CDK17: variants seen among roughly 807,000 people sequenced by gnomAD.
CDK17 encodes cyclin-dependent kinase 17.
A neutral mutation model predicts 77.6 loss-of-function variants in CDK17; 24 were observed. The observed-to-expected ratio is 0.31, with a 90% confidence interval of 0.22 to 0.44. The LOEUF (loss-of-function observed/expected upper bound fraction) is 0.44. CDK17 is among the 20% of genes least tolerant of loss of function. CDK17 has a pLI of 1.00. For missense variants in CDK17, 429 were observed against 622.5 expected (o/e 0.69, Z 3.31); for synonymous variants, 203 against 210.4 (o/e 0.96, Z 0.30).
intron 6 of CDK17, among the ~76,000 whole-genome samples, chr12:96,299,249 T>G (rs1023278589): frequency 6.6e-6 from 1 of 152,234 alleles, no homozygotes; most frequent in African/African-American, 2.4e-5. Context: ...TTTTTGTACC[T>G]TATTTTAGAT....
At chr12:96,311,652 C>T (rs961799036) in intron 4 of CDK17, among the ~76,000 whole-genome samples, 3 of 150,258 alleles carry the variant, frequency 2.0e-5, no homozygotes, top group African/African-American at 2.5e-5. Context: ...AGAATCTTGC[C>T]TATATCATTG....
chr12:96,373,252 G>A (rs1328774700), intron 1 of CDK17, among the ~76,000 whole-genome samples: 2 of 152,170 alleles, frequency 1.3e-5, no homozygotes, highest in Non-Finnish European at 2.9e-5. Context: ...ACAGTGAGAA[G>A]TATGACACTG....
chr12:96,292,017 G>A (rs1592707898), intron 10 of CDK17, among the ~76,000 whole-genome samples: 1 of 152,102 alleles, frequency 6.6e-6, no homozygotes, highest in Non-Finnish European at 1.5e-5. Context: ...AAAGAAAAAA[G>A]AGAGAGAGAG....
chr12:96,395,419 A>C (rs925283586), intron 1 of CDK17, among the ~76,000 whole-genome samples: 1 of 152,112 alleles, frequency 6.6e-6, no homozygotes, highest in Admixed American at 6.5e-5. Context: ...TTGAATGCCT[A>C]AACTGGAATG....
intron 2 of CDK17, 109 bp from the exon 3 acceptor site, chr12:96,324,221 T>A: frequency 1.6e-6 from 1 of 642,484 alleles, no homozygotes; most frequent in Non-Finnish European, 2.5e-6. Context: ...ATTAGTACAT[T>A]TAGCCTCATT....
At chr12:96,292,625 T>C (rs763752891) in intron 10 of CDK17, among the ~76,000 whole-genome samples, 2 of 151,980 alleles carry the variant, frequency 1.3e-5, no homozygotes, top group African/African-American at 4.8e-5. Context: ...ACCAAAAAAC[T>C]ACCATAATCA....
intron 1 of CDK17, among the ~76,000 whole-genome samples, chr12:96,383,246 T>C (rs1414083066): frequency 6.6e-6 from 1 of 152,026 alleles, no homozygotes; most frequent in Non-Finnish European, 1.5e-5. Context: ...AAAACACTGC[T>C]GAAAGAAATC....
intron 10 of CDK17, among the ~76,000 whole-genome samples, chr12:96,292,039 A>G (rs1228691695): frequency 2.0e-5 from 3 of 152,186 alleles, no homozygotes; most frequent in Non-Finnish European, 4.4e-5. Flanking sequence ...AACAATTATT[A>G]TAAGGGAAAT....
chr12:96,347,615 AGGGAGGGGAAGGGAGGGGAG>A (rs1265787306), intron 1 of CDK17, among the ~76,000 whole-genome samples: 253 of 14,256 alleles, frequency 0.018, 3 homozygotes, highest in Non-Finnish European at 0.029. Context: ...AGGGAGGGGA[AGGGAGGGGAAGGGAGGGGAG>A]GGGAGGGGAG....
rs1049915944 is a variant in CDK17 at position 96,317,173 on chromosome 12, G to A, written c.284-3719C>T. On this transcript the variant is annotated intron_variant, in intron 3 of 16. Coordinates refer to ENST00000261211, the MANE Select transcript of CDK17 (RefSeq NM_002595.5). ...TACATGAAGAATGCAGAAGCCTCAG[G>A]AGCCGATGCGATCAACTGGAAGAAA... Among the ~76,000 whole-genome samples, 49 of 149,634 alleles carry A rather than the reference G, an allele frequency of 3.3e-4. 1 individual carries two copies. Among genetic ancestry groups the A allele is most frequent in the Non-Finnish European group, 6.1e-4 (41 of 67,396 alleles).
At position 96,298,995 on chromosome 12, in the gene CDK17, A is replaced by G. The variant is rs1360406335; in HGVS notation, c.601-12T>C. The stretch of plus-strand genomic sequence containing the variant: ...GTTGCATATGTACCCTATAAAATAT[A>G]TTTTTAAAGGACGCATCAAAAGTAT... On this transcript the variant is annotated splice_polypyrimidine_tract_variant and intron_variant, in intron 6 of 16. Transcript: ENST00000261211. The G allele has an allele frequency of 3.1e-6, 4 of 1,304,760 alleles. No individual in the cohort carries two copies. Among genetic ancestry groups the G allele is most frequent in the Non-Finnish European group, 4.4e-6 (4 of 911,468 alleles). 80.8% of individuals were successfully genotyped at this position (1,304,760 alleles called of 1,614,324 possible).
chr12:96,392,034 G>A (rs775662604), intron 1 of CDK17, among the ~76,000 whole-genome samples: 5 of 152,070 alleles, frequency 3.3e-5, no homozygotes, highest in South Asian at 2.1e-4. Flanking sequence ...TGATAATACG[G>A]GAAGAAATAC....
intron 5 of CDK17, among the ~76,000 whole-genome samples, chr12:96,300,672 C>T (rs34098261): frequency 0.052 from 7,915 of 152,326 alleles, 270 homozygotes; most frequent in Non-Finnish European, 0.064. Flanking sequence ...GCTGGGATTA[C>T]AGGCGTAAGC....
intron 3 of CDK17, among the ~76,000 whole-genome samples, chr12:96,314,002 T>A (rs1438482433): frequency 6.6e-6 from 1 of 152,078 alleles, no homozygotes; most frequent in African/African-American, 2.4e-5. Context: ...AATAAAACAA[T>A]AAAAAATTAT....
chr12:96,377,684 T>G (rs1428487508), intron 1 of CDK17, among the ~76,000 whole-genome samples: 1 of 146,644 alleles, frequency 6.8e-6, no homozygotes, highest in Non-Finnish European at 1.5e-5. Flanking sequence ...CAGAAGCAGT[T>G]TTTTTTTTTC....
At chr12:96,341,998 T>C (rs757855408) in intron 1 of CDK17, among the ~76,000 whole-genome samples, 23 of 152,328 alleles carry the variant, frequency 1.5e-4, no homozygotes, top group Non-Finnish European at 2.4e-4. Context: ...TTTAAATGAC[T>C]AAATGACTTT....
At chr12:96,377,962 G>C (rs896412264) in intron 1 of CDK17, among the ~76,000 whole-genome samples, 1 of 152,054 alleles carries the variant, frequency 6.6e-6, no homozygotes, top group African/African-American at 2.4e-5. Flanking sequence ...CAAAGTGCTG[G>C]GATTACAGGC....
intron 2 of CDK17, among the ~76,000 whole-genome samples, chr12:96,327,399 C>T (rs937974822): frequency 3.3e-5 from 5 of 152,042 alleles, no homozygotes; most frequent in Non-Finnish European, 7.4e-5. Flanking sequence ...GGTGGCTGTA[C>T]TGAAGATGGA....
chr12:96,376,920 C>T (rs974667839), intron 1 of CDK17, among the ~76,000 whole-genome samples: 4 of 152,066 alleles, frequency 2.6e-5, no homozygotes, highest in Non-Finnish European at 5.9e-5. Context: ...AAAAATACTA[C>T]AAAATATACA....
Sources: gnomAD v4.1 joint callset for allele counts (sites outside exome capture counted in the v4.1 genomes callset) on GRCh38, gnomAD v4.1.1 for gene constraint, MANE v1.5 for transcripts, NCBI Gene and HGNC (gene_info 2026-07-23, HGNC 2026-07-21) for gene names.